The following ASTN2 variants were observed in gnomAD, a reference collection of about 807,000 sequenced individuals.
ASTN2 encodes the protein astrotactin 2, also known as astrotactin-2.
In ASTN2, 54 loss-of-function variants were observed where a neutral mutation model predicts 139.8. The observed-to-expected ratio is 0.39, with a 90% CI of 0.31 to 0.48. The LOEUF (loss-of-function observed/expected upper bound fraction) is 0.48, where lower values mean the gene tolerates loss of function less well. Ranked by LOEUF, ASTN2 falls within the 20% of genes least tolerant of loss-of-function variation. The pLI is 0.95. For missense variants in ASTN2, 1,565 were observed against 1,725.1 expected (o/e 0.91, Z 1.64); for synonymous variants, 756 against 719.5 (o/e 1.05, Z -0.81).
chr9:116,623,159 G>C (rs1290307245), intron 17 of ASTN2, among the ~76,000 whole-genome samples: 1 of 49,426 alleles, frequency 2.0e-5, no homozygotes, highest in East Asian at 5.8e-4. Context: ...GTGTGTGTGT[G>C]TGTGTGTGTG....
chr9:116,744,477 G>A (rs1829182042), intron 13 of ASTN2, among the ~76,000 whole-genome samples: 1 of 152,144 alleles, frequency 6.6e-6, no homozygotes, highest in Admixed American at 6.5e-5. Flanking sequence ...AGGCTGGAAG[G>A]AGGGAGACCA....
At chr9:117,014,771 A>C (rs1438500612) in intron 6 of ASTN2, among the ~76,000 whole-genome samples, 3 of 151,978 alleles carry the variant, frequency 2.0e-5, no homozygotes, top group Non-Finnish European at 4.4e-5. Context: ...TAAGAAGAGG[A>C]TATTGGGGCC....
chr9:116,678,142 G>T (rs1433993129), intron 16 of ASTN2, among the ~76,000 whole-genome samples: 1 of 152,148 alleles, frequency 6.6e-6, no homozygotes, highest in Non-Finnish European at 1.5e-5. Flanking sequence ...ATAGACACTT[G>T]TTCTAAATTA....
At chr9:117,055,784 C>T (rs185351394) in intron 5 of ASTN2, among the ~76,000 whole-genome samples, 41 of 152,284 alleles carry the variant, frequency 2.7e-4, no homozygotes, top group African/African-American at 9.9e-4. Context: ...AGGTAGTTTC[C>T]AAATTGTTCC....
At chr9:116,848,900 C>T (rs1243138031) in intron 11 of ASTN2, among the ~76,000 whole-genome samples, 1 of 152,192 alleles carries the variant, frequency 6.6e-6, no homozygotes, top group Admixed American at 6.5e-5. Flanking sequence ...AGACTGCCTC[C>T]AATTTCCACT....
intron 2 of ASTN2, among the ~76,000 whole-genome samples, chr9:117,231,869 C>A (rs1832901961): frequency 1.3e-5 from 2 of 152,274 alleles, no homozygotes; most frequent in Middle Eastern, 3.4e-3. Context: ...TGCTCAGAAT[C>A]TTCTTCCTTG....
At position 116,624,793 on chromosome 9, in the gene ASTN2, C is replaced by T. The variant is rs532422985; in HGVS notation, c.3073-4350G>A. Among the ~76,000 whole-genome samples the T allele has an allele frequency of 7.9e-5, 12 of 151,930 alleles. No homozygotes were observed. The East Asian group carries it at 1.4e-3, about 17-fold the overall frequency. On this transcript the variant is annotated intron_variant, in intron 17 of 22. Transcript: ENST00000313400. ...TAATGCCTAATGGATTTCATCTCCA[C>T]GGTATTAACAAACTTGGTCATATGG...
intron 19 of ASTN2, among the ~76,000 whole-genome samples, chr9:116,515,591 T>C (rs1339842165): frequency 1.3e-5 from 2 of 152,142 alleles, no homozygotes; most frequent in Non-Finnish European, 2.9e-5. Context: ...TGATATGCCA[T>C]ATAGGGATAC....
chr9:117,171,464 G>A (rs1830791017), intron 3 of ASTN2, among the ~76,000 whole-genome samples: 1 of 152,148 alleles, frequency 6.6e-6, no homozygotes, highest in African/African-American at 2.4e-5. Flanking sequence ...TTGAGTAAAT[G>A]TCTAACCTAG....
chr9:116,514,622 G>A lies in ASTN2; in HGVS notation c.3356-27122C>T, dbSNP rs149242801. On this transcript the variant is annotated intron_variant, in intron 19 of 22. Transcript: ENST00000313400. ...CCAGAGGTGGAGTCTACAGAGGCAG[G>A]CAGGCCTCCTTGAGCTGTGGTGGGC... Among the ~76,000 whole-genome samples, 455 of 152,286 alleles carry A rather than the reference G, an allele frequency of 3.0e-3. 1 individual carries two copies. Among genetic ancestry groups the A allele is most frequent in the African/African-American group, 9.1e-3 (378 of 41,568 alleles).
chr9:117,250,648 T>A (rs983732006), intron 2 of ASTN2, among the ~76,000 whole-genome samples: 2 of 152,182 alleles, frequency 1.3e-5, no homozygotes, highest in African/African-American at 2.4e-5. Flanking sequence ...ATGACTTTAA[T>A]GGCAAAAAAC....
intron 5 of ASTN2, among the ~76,000 whole-genome samples, chr9:117,078,406 A>C (rs2132720862): frequency 6.6e-6 from 1 of 152,282 alleles, no homozygotes; most frequent in East Asian, 1.9e-4. Flanking sequence ...TTTGTATCCC[A>C]AAGCCATTAC....
intron 10 of ASTN2, among the ~76,000 whole-genome samples, chr9:116,937,570 G>A (rs1231245006): frequency 6.6e-6 from 1 of 152,108 alleles, no homozygotes; most frequent in Non-Finnish European, 1.5e-5. Flanking sequence ...TAATGAGTAG[G>A]CCTTCCATAA....
intron 11 of ASTN2, among the ~76,000 whole-genome samples, chr9:116,838,117 T>C (rs1040271583): frequency 3.2e-4 from 42 of 131,990 alleles, no homozygotes; most frequent in Non-Finnish European, 5.4e-4. Context: ...TTTTGTTTTG[T>C]TTTGTTTTTT....
chr9:116,872,870 G>A (rs10817948), intron 10 of ASTN2, among the ~76,000 whole-genome samples: 54,105 of 151,962 alleles, frequency 0.36, 10,325 homozygotes, highest in East Asian at 0.53. Context: ...AGGAGGAGGT[G>A]AGATATGGCA....
chr9:116,994,086 A>T (rs1189134748), intron 7 of ASTN2, among the ~76,000 whole-genome samples: 1 of 151,848 alleles, frequency 6.6e-6, no homozygotes, highest in Non-Finnish European at 1.5e-5. Context: ...TACCAAAGCC[A>T]TTTTTTTCAA....
At chr9:116,548,241 G>C (rs560665747) in intron 19 of ASTN2, among the ~76,000 whole-genome samples, 3 of 152,170 alleles carry the variant, frequency 2.0e-5, no homozygotes, top group Non-Finnish European at 4.4e-5. Context: ...ATCAGAGGCC[G>C]TGGCATTTGC....
In ASTN2 at chr9:116,492,411, CAGAGT is replaced by C. The variant is rs1445410826; in HGVS notation, c.3356-4916_3356-4912del. ...TTTCTTATTCTTGTTTTCAACATAA[CAGAGT>C]AGAGATAAGGACTCTTAAAGATATC... On this transcript the variant is annotated intron_variant, in intron 19 of 22. Coordinates refer to ENST00000313400, the MANE Select transcript of ASTN2 (RefSeq NM_001365068.1). Among the ~76,000 whole-genome samples, 10 of 152,230 alleles carry C rather than the reference CAGAGT, an allele frequency of 6.6e-5. 1 individual carries two copies. The highest frequency in any genetic ancestry group is 1.2e-4 in the Non-Finnish European group (8 of 68,026).
chr9:117,340,946 C>A (rs1829046756), intron 1 of ASTN2, among the ~76,000 whole-genome samples: 1 of 152,104 alleles, frequency 6.6e-6, no homozygotes, highest in Non-Finnish European at 1.5e-5. Flanking sequence ...TGGTCTTGTG[C>A]CTATGACAAC....
Sources: allele counts gnomAD v4.1 joint callset (sites outside exome capture counted in the v4.1 genomes callset), GRCh38; gene constraint gnomAD v4.1.1; transcripts MANE v1.5; gene names NCBI Gene and HGNC (gene_info 2026-07-23, HGNC 2026-07-21).